The following ASIC2 variants were observed in gnomAD, a reference collection of about 807,000 sequenced individuals.
ASIC2 encodes the protein acid sensing ion channel subunit 2, also known as acid-sensing ion channel 2.
A neutral mutation model predicts 57.3 loss-of-function variants in ASIC2; 25 were observed. The ratio of observed to expected loss-of-function variants is 0.44; its 90% CI spans 0.32 to 0.61. The LOEUF is 0.61. Ranked by LOEUF, ASIC2 falls within the 20% of genes least tolerant of loss-of-function variation. The pLI, the probability that ASIC2 is intolerant of heterozygous loss-of-function variation, is 0.06. For synonymous variants in ASIC2, 319 were observed against 307.5 expected (o/e 1.04, Z -0.39); for missense variants, 641 against 738.1 (o/e 0.87, Z 1.52).
chr17:33,303,096 T>C (rs1349107206), intron 1 of ASIC2, among the ~76,000 whole-genome samples: 1 of 152,248 alleles, frequency 6.6e-6, no homozygotes. Context: ...GTTAACTGCC[T>C]GGGGTCACAC....
rs1271055247 is a variant in ASIC2 at position 33,410,372 on chromosome 17, A to G, written c.556-298305T>C. On this transcript the variant is annotated intron_variant, in intron 1 of 9. Coordinates refer to the ASIC2 transcript ENST00000359872. ...TACTAAGGGTTTAGAAACGTACATG[A>G]GAGAAGAACATATCAATTGCAAGAA... Among the ~76,000 whole-genome samples, 7 of 152,358 alleles carry G rather than the reference A, an allele frequency of 4.6e-5. No individual in the cohort carries two copies. In the South Asian group the frequency reaches 1.2e-3, roughly 27 times the overall value.
chr17:33,972,010 C>T (rs747143811), intron 1 of ASIC2, among the ~76,000 whole-genome samples: 2 of 152,128 alleles, frequency 1.3e-5, no homozygotes, highest in African/African-American at 4.8e-5. Context: ...TAACCTCAGG[C>T]GATTTTCCCA....
chr17:33,443,777 A>T (rs1416750899), intron 1 of ASIC2, among the ~76,000 whole-genome samples: 3 of 151,460 alleles, frequency 2.0e-5, no homozygotes, highest in Admixed American at 6.6e-5. Context: ...GCCTATTCAG[A>T]TTTTCTATTT....
intron 1 of ASIC2, among the ~76,000 whole-genome samples, chr17:33,656,747 C>T (rs1907090362): frequency 6.6e-6 from 1 of 152,174 alleles, no homozygotes; most frequent in Non-Finnish European, 1.5e-5. Flanking sequence ...TCTTTATCCC[C>T]TCCTGAGTTA....
intron 1 of ASIC2, among the ~76,000 whole-genome samples, chr17:33,379,213 G>T (rs564232234): frequency 6.6e-6 from 1 of 152,254 alleles, no homozygotes; most frequent in East Asian, 1.9e-4. Flanking sequence ...TGCAAGCTCT[G>T]TCACTTACTT....
chr17:33,214,408 T>C (rs146801955), intron 1 of ASIC2, among the ~76,000 whole-genome samples: 1 of 152,348 alleles, frequency 6.6e-6, no homozygotes, highest in Non-Finnish European at 1.5e-5. Flanking sequence ...TAGGTGAATC[T>C]GCTCATCCTC....
chr17:33,616,915 G>A (rs1378068684), intron 1 of ASIC2, among the ~76,000 whole-genome samples: 1 of 152,200 alleles, frequency 6.6e-6, no homozygotes, highest in African/African-American at 2.4e-5. Flanking sequence ...TAGCTTTCTT[G>A]TGATTTCCAC....
At chr17:33,681,657 C>T (rs929219987) in intron 1 of ASIC2, among the ~76,000 whole-genome samples, 5 of 152,230 alleles carry the variant, frequency 3.3e-5, no homozygotes, top group South Asian at 2.1e-4. Flanking sequence ...CTGTTACTCA[C>T]GCCGTTCCTG....
At chr17:33,762,230 G>A (rs1182589064) in intron 1 of ASIC2, among the ~76,000 whole-genome samples, 1 of 152,112 alleles carries the variant, frequency 6.6e-6, no homozygotes, top group Admixed American at 6.5e-5. Flanking sequence ...ATGGAGGGGG[G>A]CAACCACCAC....
intron 1 of ASIC2, among the ~76,000 whole-genome samples, chr17:34,015,752 C>T (rs1382593381): frequency 6.6e-6 from 1 of 152,206 alleles, no homozygotes; most frequent in Non-Finnish European, 1.5e-5. Context: ...TGGACTTTGC[C>T]AACTCCTTTG....
intron 1 of ASIC2, among the ~76,000 whole-genome samples, chr17:33,346,226 C>CAA (rs57042563): frequency 1.8e-3 from 106 of 57,760 alleles, no homozygotes; most frequent in African/African-American, 3.0e-3. Flanking sequence ...GATTCCCTCT[C>CAA]AAAAAAAAAA....
chr17:33,860,580 A>G (rs1914077710), intron 1 of ASIC2, among the ~76,000 whole-genome samples: 1 of 152,214 alleles, frequency 6.6e-6, no homozygotes. Context: ...AAGTCAGACT[A>G]TAGGCTGAGT....
intron 3 of ASIC2, among the ~76,000 whole-genome samples, chr17:33,083,926 A>C (rs2092124199): frequency 6.6e-6 from 1 of 152,146 alleles, no homozygotes; most frequent in African/African-American, 2.4e-5. Flanking sequence ...ACTACCAAGG[A>C]GGGTGGCCAG....
chr17:34,020,005 C>T (rs535593825), intron 1 of ASIC2, among the ~76,000 whole-genome samples: 64 of 152,244 alleles, frequency 4.2e-4, no homozygotes, highest in African/African-American at 1.3e-3. Context: ...GCCTAGACTC[C>T]GGAAGCATTA....
At chr17:34,054,742 G>A (rs1236565400) in intron 1 of ASIC2, among the ~76,000 whole-genome samples, 1 of 152,206 alleles carries the variant, frequency 6.6e-6, no homozygotes, top group African/African-American at 2.4e-5. Flanking sequence ...TGAAGGAGAT[G>A]ACATAGGTGA....
chr17:33,123,918 T>C (rs2092313045), intron 1 of ASIC2, among the ~76,000 whole-genome samples: 1 of 152,206 alleles, frequency 6.6e-6, no homozygotes, highest in Admixed American at 6.5e-5. Context: ...TCCTGGTTAA[T>C]TTTGCGTTAT....
chr17:33,802,591 A>G (rs1320864276), intron 1 of ASIC2, among the ~76,000 whole-genome samples: 1 of 152,224 alleles, frequency 6.6e-6, no homozygotes, highest in African/African-American at 2.4e-5. Flanking sequence ...CTCCAACAAC[A>G]GAAATACATA....
intron 1 of ASIC2, among the ~76,000 whole-genome samples, chr17:33,214,341 T>C (rs1907393856): frequency 6.6e-6 from 1 of 152,184 alleles, no homozygotes; most frequent in African/African-American, 2.4e-5. Context: ...ACTGGGCTGA[T>C]GGCCTGAAGG....
intron 1 of ASIC2, among the ~76,000 whole-genome samples, chr17:33,596,692 CT>C (rs1284914303): frequency 2.0e-5 from 3 of 152,122 alleles, no homozygotes; most frequent in African/African-American, 7.2e-5. Context: ...CTCCTCCTTC[CT>C]TTTCCTTCAT....
Sources: allele counts gnomAD v4.1 joint callset (sites outside exome capture counted in the v4.1 genomes callset), GRCh38; gene constraint gnomAD v4.1.1; transcripts MANE v1.5; gene names NCBI Gene and HGNC (gene_info 2026-07-23, HGNC 2026-07-21).